The following MYO1E variants were observed in gnomAD, a reference collection of about 807,000 sequenced individuals.
MYO1E encodes unconventional myosin-Ie.
MYO1E carries 68 observed loss-of-function variants against 151.1 expected under a neutral mutation model. The observed-to-expected ratio is 0.45, with a 90% CI of 0.37 to 0.55. The LOEUF (loss-of-function observed/expected upper bound fraction) is 0.55. Among genes scored for constraint, MYO1E ranks in the 20% least tolerant of loss-of-function variants. MYO1E has a pLI of 0.00. For synonymous variants in MYO1E, 601 were observed against 501.7 expected, an observed-to-expected ratio of 1.20 and a Z score of -2.64; for missense variants, 1,363 against 1,389.3, an observed-to-expected ratio of 0.98 and a Z score of 0.30.
At chr15:59,196,697 G>T (rs559064358) in intron 16 of MYO1E, among the ~76,000 whole-genome samples, 4 of 152,304 alleles carry the variant, frequency 2.6e-5, no homozygotes, top group African/African-American at 9.6e-5. Flanking sequence ...CTGTTTAGAT[G>T]TGCAGGAAAT....
intron 2 of MYO1E, among the ~76,000 whole-genome samples, chr15:59,265,336 T>C (rs138316532): frequency 5.5e-4 from 84 of 152,270 alleles, no homozygotes; most frequent in Non-Finnish European, 1.0e-3. Context: ...ACCAATCCCT[T>C]GGTTACTCAA....
rs71977305 is a variant in MYO1E at position 59,196,986 on chromosome 15, C to CTTTTTTTTTTTTTTTTT, written c.1699-1436_1699-1420dup. 8.4e-5 allele frequency among the ~76,000 whole-genome samples: 6 copies of CTTTTTTTTTTTTTTTTT among 71,512 alleles called. 1 individual carries two copies. Among genetic ancestry groups the CTTTTTTTTTTTTTTTTT allele is most frequent in the African/African-American group, 1.5e-4 (3 of 19,576 alleles). The allele number at this position is 71,512 out of a possible 152,430, so 46.9% of individuals were successfully genotyped here. A position where few individuals can be genotyped will look rare whatever the true frequency, so the allele number is the denominator to read the frequency against. ...ATTTTAGTTTTGTATTTAATTACGA[C>CTTTTTTTTTTTTTTTTT]TTTTTTTTTTTTTTTTTTTTTTTTG... On this transcript the variant is annotated intron_variant, in intron 16 of 27. Transcript: ENST00000288235.
At position 59,134,758 on chromosome 15, in the gene MYO1E, TG is replaced by T. The variant is rs1267293869; in HGVS notation, c.*2621del. 6.6e-6 allele frequency: 1 copy of T among 152,216 alleles called. No individual in the cohort carries two copies. The highest frequency in any genetic ancestry group is 1.9e-4 in the East Asian group (1 of 5,192). The allele number at this position is 152,216 out of a possible 1,614,324, so 9.4% of individuals were successfully genotyped here. On this transcript the variant is annotated 3_prime_UTR_variant, in exon 28 of 28. Coordinates refer to ENST00000288235, the MANE Select transcript of MYO1E (RefSeq NM_004998.4). ...AAACAGGATGGCAAGTTCCAGAAGG[TG>T]GGGGTGGCCCCTTGATCTTCTGTAT...
intron 14 of MYO1E, chr15:59,206,653 C>T: frequency 7.2e-6 from 3 of 419,274 alleles, no homozygotes; most frequent in Non-Finnish European, 1.3e-5. Flanking sequence ...CCAGGGATCT[C>T]GGTTAGCCTC....
chr15:59,182,283 G>C (rs1437954433), intron 18 of MYO1E, among the ~76,000 whole-genome samples: 1 of 152,110 alleles, frequency 6.6e-6, no homozygotes, highest in Non-Finnish European at 1.5e-5. Flanking sequence ...CGCAGTCTTG[G>C]TTCACTGCAA....
At chr15:59,330,194 A>T (rs1173566432) in intron 1 of MYO1E, among the ~76,000 whole-genome samples, 1 of 152,144 alleles carries the variant, frequency 6.6e-6, no homozygotes, top group Non-Finnish European at 1.5e-5. Flanking sequence ...ACATGGCTTG[A>T]AATGGCTGAA....
chr15:59,282,156 A>G (rs1304349677), intron 1 of MYO1E, among the ~76,000 whole-genome samples: 1 of 152,176 alleles, frequency 6.6e-6, no homozygotes, highest in African/African-American at 2.4e-5. Context: ...GATTTCCCAA[A>G]TGCATTTTAC....
Position 59,256,353 on chromosome 15 carries a change from A to T in MYO1E, c.263T>A (p.Ile88Asn). The T allele has an allele frequency of 1.2e-6, 2 of 1,612,372 alleles. No individual in the cohort carries two copies. The highest frequency in any genetic ancestry group is 1.7e-6 in the Non-Finnish European group (2 of 1,178,668). ...GTACATATTATCTGCAAGGGCATAG[A>T]TATGTGGTGGGTTTTCATACTGTGC... The part of the protein sequence containing the change: ...GAAQYENPPH[I>N]YALADNMYRN... The change falls in exon 4 of 28, where the codon ATC becomes AAC. Residue 88 changes from isoleucine to asparagine, a missense_variant. Ile to Asn is a moderately radical substitution (Grantham distance 149). Transcript: ENST00000288235.
intron 17 of MYO1E, among the ~76,000 whole-genome samples, chr15:59,191,998 C>G (rs958786340): frequency 1.3e-5 from 2 of 152,196 alleles, no homozygotes; most frequent in Non-Finnish European, 2.9e-5. Context: ...AAGAAAAACC[C>G]TACACCTCAT....
At chr15:59,305,693 G>C (rs2080510768) in intron 1 of MYO1E, among the ~76,000 whole-genome samples, 1 of 152,206 alleles carries the variant, frequency 6.6e-6, no homozygotes, top group African/African-American at 2.4e-5. Context: ...ACCTGTGGCA[G>C]CAATTGTGAG....
intron 1 of MYO1E, among the ~76,000 whole-genome samples, chr15:59,354,189 G>T (rs1384223453): frequency 2.0e-5 from 3 of 152,170 alleles, no homozygotes; most frequent in African/African-American, 7.2e-5. Context: ...AATTTGTGGG[G>T]AGCAGAATAA....
intron 1 of MYO1E, among the ~76,000 whole-genome samples, chr15:59,342,350 C>A (rs1338133055): frequency 6.6e-6 from 1 of 152,096 alleles, no homozygotes; most frequent in African/African-American, 2.4e-5. Context: ...TTGATTTTTT[C>A]TTTTGCTGTG....
At chr15:59,183,544 T>A (rs1286149355) in intron 18 of MYO1E, among the ~76,000 whole-genome samples, 1 of 152,102 alleles carries the variant, frequency 6.6e-6, no homozygotes, top group East Asian at 1.9e-4. Flanking sequence ...GGTATACATA[T>A]TTATGGGTTG....
chr15:59,211,475 C>A (rs545416584), intron 12 of MYO1E, among the ~76,000 whole-genome samples: 2 of 151,646 alleles, frequency 1.3e-5, no homozygotes, highest in South Asian at 2.1e-4. Context: ...CAATCAATCC[C>A]ATGGCTTTAA....
chr15:59,238,139 G>C (rs2080078034), intron 4 of MYO1E, among the ~76,000 whole-genome samples: 1 of 152,164 alleles, frequency 6.6e-6, no homozygotes, highest in Admixed American at 6.5e-5. Context: ...CTCTTCCAGA[G>C]GACATGCTTA....
chr15:59,345,659 CAA>C (rs2080790186), intron 1 of MYO1E, among the ~76,000 whole-genome samples: 1 of 152,114 alleles, frequency 6.6e-6, no homozygotes, highest in Non-Finnish European at 1.5e-5. Flanking sequence ...CAGGGAAATG[CAA>C]AGAGAGAGGT....
chr15:59,270,654 T>C (rs1343650772), intron 2 of MYO1E, among the ~76,000 whole-genome samples: 26 of 152,112 alleles, frequency 1.7e-4, no homozygotes, highest in African/African-American at 6.0e-4. Flanking sequence ...CTTTTTTTTT[T>C]TGGAGACAGA....
intron 4 of MYO1E, among the ~76,000 whole-genome samples, chr15:59,238,463 A>T (rs976551488): frequency 6.6e-6 from 1 of 152,250 alleles, no homozygotes; most frequent in Non-Finnish European, 1.5e-5. Flanking sequence ...TGGTAATGTG[A>T]ATAGAAGATA....
chr15:59,226,075 T>C (rs1596374560), intron 7 of MYO1E, among the ~76,000 whole-genome samples: 1 of 152,190 alleles, frequency 6.6e-6, no homozygotes, highest in East Asian at 1.9e-4. Context: ...TTTAAAGAAG[T>C]CCTGACATCC....
Sources: allele counts gnomAD v4.1 joint callset (sites outside exome capture counted in the v4.1 genomes callset), GRCh38; gene constraint gnomAD v4.1.1; transcripts MANE v1.5; gene names NCBI Gene and HGNC (gene_info 2026-07-23, HGNC 2026-07-21).